The following DGKK variants were observed in gnomAD, a reference collection of about 807,000 sequenced individuals.
DGKK encodes 142 kDa diacylglycerol kinase.
DGKK carries 35 observed loss-of-function variants against 92.2 expected under a neutral mutation model. The observed-to-expected ratio is 0.38, with a 90% CI of 0.29 to 0.50. The LOEUF (loss-of-function observed/expected upper bound fraction) is 0.50. Among genes scored for constraint, DGKK ranks in the 20% least tolerant of loss-of-function variants. DGKK has a pLI of 0.92. For missense variants in DGKK, 910 were observed against 992.2 expected (o/e 0.92, Z 1.11); for synonymous variants, 368 against 360.6 (o/e 1.02, Z -0.23).
intron 1 of DGKK, among the ~76,000 whole-genome samples, chrX:50,465,457 T>A (rs1189005852): frequency 2.7e-5 from 3 of 110,278 alleles, no homozygotes; most frequent in Non-Finnish European, 5.7e-5. Flanking sequence ...TCCTTTAAAA[T>A]TATTTTTTTT....
intron 1 of DGKK, among the ~76,000 whole-genome samples, chrX:50,438,541 T>C (rs1557231003): frequency 1.8e-5 from 2 of 111,582 alleles, no homozygotes; most frequent in Admixed American, 9.6e-5. Context: ...TCCTGGAAAG[T>C]GGGGAGTGGT....
intron 18 of DGKK, among the ~76,000 whole-genome samples, chrX:50,380,737 G>A (rs781882369): frequency 1.8e-5 from 2 of 111,072 alleles, no homozygotes; most frequent in East Asian, 2.9e-4. Flanking sequence ...GGGCACTTAC[G>A]ATCACTAGAA....
chrX:50,373,965 G>A, intron 25 of DGKK, among the ~76,000 whole-genome samples: 1 of 111,902 alleles, frequency 8.9e-6, no homozygotes, highest in African/African-American at 3.2e-5. Context: ...TATAGGCTAG[G>A]CACTGATAGG....
chrX:50,468,109 T>C (rs1926955931), intron 1 of DGKK, among the ~76,000 whole-genome samples: 2 of 112,070 alleles, frequency 1.8e-5, no homozygotes, highest in South Asian at 7.5e-4. Flanking sequence ...AGGAAACTAA[T>C]CTGATTCCCC....
At chrX:50,411,792 G>A (rs1345382281) in intron 4 of DGKK, among the ~76,000 whole-genome samples, 2 of 111,456 alleles carry the variant, frequency 1.8e-5, no homozygotes, top group Admixed American at 9.5e-5. Context: ...GCCTCTAGTT[G>A]CTGATGACAT....
rs1397376910 is a variant in DGKK, at chrX:50,404,133, A to T, written c.994T>A (p.Ser332Thr). ...TGCTGGGTCCGGTGGCTGTAACTGG[A>T]GTACCAACAATGCATTCCAACAAGA... ...PFLVGMHCWY[S>T]SYSHRTQHCN... The change falls in exon 5 of 28, where the codon TCC becomes ACC. Residue 332 changes from serine to threonine, a missense_variant. Ser to Thr is a moderately conservative substitution (Grantham distance 58). Transcript: ENST00000611977. 6.6e-6 allele frequency: 8 copies of T among 1,208,530 alleles called. No homozygotes were observed. The highest frequency in any genetic ancestry group is 1.8e-5 in the South Asian group (1 of 56,462).
chrX:50,434,685 A>C (rs781901083), intron 1 of DGKK, among the ~76,000 whole-genome samples: 1 of 102,529 alleles, frequency 9.8e-6, no homozygotes, highest in African/African-American at 3.5e-5. Flanking sequence ...GAAGGCAGGG[A>C]AAAAAAAAAA....
At chrX:50,469,925 G>A (rs1361307149) in intron 1 of DGKK, 109 bp downstream of exon 1, 12 of 1,075,800 alleles carry the variant, frequency 1.1e-5, no homozygotes, top group Non-Finnish European at 1.3e-5. Flanking sequence ...ATCTTGGCCA[G>A]CCAGTGCCAG....
At chrX:50,380,924 T>A (rs1325386860) in intron 18 of DGKK, among the ~76,000 whole-genome samples, 2 of 111,616 alleles carry the variant, frequency 1.8e-5, no homozygotes, top group African/African-American at 6.5e-5. Flanking sequence ...AGTTTAGGTA[T>A]ATGAAAATGT....
chrX:50,427,397 C>T (rs1925771826), intron 1 of DGKK, among the ~76,000 whole-genome samples: 1 of 110,003 alleles, frequency 9.1e-6, no homozygotes, highest in Non-Finnish European at 1.9e-5. Flanking sequence ...ATTTTTAGGG[C>T]AGTGATACTA....
Position 50,365,891 on chromosome X carries a change from C to T in DGKK, c.*3049G>A, listed in dbSNP as rs1395179770. 8.9e-6 allele frequency: 1 copy of T among 111,798 alleles called. No individual in the cohort carries two copies. The highest frequency in any genetic ancestry group is 9.5e-5 in the Admixed American group (1 of 10,557). 9.2% of individuals were successfully genotyped at this position (111,798 alleles called of 1,213,427 possible). ...TATTCTTAACCTGCTCTTATGGACA[C>T]AGCACAGGGCCTTTCTGGAGAAGGG... On this transcript the variant is annotated 3_prime_UTR_variant, in exon 28 of 28. Coordinates refer to ENST00000611977, the MANE Select transcript of DGKK (RefSeq NM_001013742.4).
intron 4 of DGKK, among the ~76,000 whole-genome samples, chrX:50,411,431 T>G (rs1925302194): frequency 8.9e-6 from 1 of 112,266 alleles, no homozygotes; most frequent in Non-Finnish European, 1.9e-5. Context: ...ATAAGTGTGA[T>G]TCACCATATC....
intron 26 of DGKK, among the ~76,000 whole-genome samples, chrX:50,370,755 G>A (rs1414281430): frequency 1.8e-5 from 2 of 111,887 alleles, no homozygotes; most frequent in Admixed American, 1.9e-4. Flanking sequence ...GATGCCAGGT[G>A]CTTTGCTAGC....
At position 50,391,567 on chromosome X, in the gene DGKK, C is replaced by T; in HGVS notation, c.1714G>A (p.Ala572Thr). 2 of 1,211,092 alleles carry T rather than the reference C, an allele frequency of 1.7e-6. No homozygotes were observed. The highest frequency in any genetic ancestry group is 2.2e-6 in the Non-Finnish European group (2 of 895,050). Residue 572 changes from alanine (A) to threonine (T), a missense_variant, in exon 11 of 28, where the codon GCA (alanine) becomes ACA (threonine). Ala to Thr is a moderately conservative substitution (Grantham distance 58). Coordinates refer to ENST00000611977, the MANE Select transcript of DGKK (RefSeq NM_001013742.4). ...TTGCCGGTTCCAAGTGGGATGACTG[C>T]CAACTGACACTGCAAGAACAAAAGG... ...AFGLHEKCQLAVIPLGTGNDL... is the reference protein window; with the variant it reads ...AFGLHEKCQLTVIPLGTGNDL...
At chrX:50,393,493 G>A (rs1046926429) in intron 8 of DGKK, among the ~76,000 whole-genome samples, 158 bp from the exon 9 acceptor site, 2 of 111,477 alleles carry the variant, frequency 1.8e-5, no homozygotes, top group African/African-American at 6.5e-5. Flanking sequence ...CCACCCAGAG[G>A]GGCTTAAAAG....
rs782709247 is a variant in DGKK, at chrX:50,374,993, G to A, written c.3479C>T (p.Thr1160Ile). The A allele has an allele frequency of 4.1e-6, 5 of 1,209,593 alleles. No homozygotes were observed. The highest frequency in any genetic ancestry group is 5.6e-6 in the Non-Finnish European group (5 of 894,019). ...FSLKGLYDDT[T>I]AFLDEKLLRS... ...CACCAGCTTTTCATCCAGGAAAGCT[G>A]TGGTGTCATCGTAGAGACCTTTAAG... Residue 1160 changes from threonine to isoleucine, a missense_variant, in exon 25 of 28, where the codon ACA becomes ATA. Physicochemically the swap from Thr to Ile is moderately conservative, Grantham distance 89 (BLOSUM62 -1). Coordinates refer to ENST00000611977, the MANE Select transcript of DGKK (RefSeq NM_001013742.4).
chrX:50,422,575 T>A, intron 2 of DGKK, 49 bp from the exon 3 acceptor site: 1 of 910,589 alleles, frequency 1.1e-6, no homozygotes, highest in Non-Finnish European at 1.5e-6. Context: ...TGGTTAATGA[T>A]GCAAAGAGAC....
chrX:50,463,136 C>T (rs1416974517), intron 1 of DGKK, among the ~76,000 whole-genome samples: 1 of 107,133 alleles, frequency 9.3e-6, no homozygotes, highest in Non-Finnish European at 1.9e-5. Context: ...GTGCATTTTC[C>T]TGGAGAGAAT....
In DGKK at chrX:50,423,121, A is replaced by G. The variant is rs781996750; in HGVS notation, c.757-595T>C. 2.7e-5 allele frequency among the ~76,000 whole-genome samples: 3 copies of G among 112,563 alleles called. No individual in the cohort carries two copies. The South Asian group carries it at 1.1e-3, about 42-fold the overall frequency. On this transcript the variant is annotated intron_variant, in intron 2 of 27. Transcript: ENST00000611977. ...CTTAGTTTAATGCTTTGTTGTTGTCATCTTAAAATTACCTCATAATTTTGT... is the reference window on the plus strand; with the variant it reads ...CTTAGTTTAATGCTTTGTTGTTGTCGTCTTAAAATTACCTCATAATTTTGT...
Sources: allele counts gnomAD v4.1 joint callset (sites outside exome capture counted in the v4.1 genomes callset), GRCh38; gene constraint gnomAD v4.1.1; transcripts MANE v1.5; gene names NCBI Gene and HGNC (gene_info 2026-07-23, HGNC 2026-07-21).